The following CHCHD3 variants were observed in gnomAD, a reference collection of about 807,000 sequenced individuals.
CHCHD3 encodes the protein coiled-coil-helix-coiled-coil-helix domain containing 3, also known as MICOS complex subunit MIC19.
CHCHD3 carries 20 observed loss-of-function variants against 38.2 expected under a neutral mutation model. The observed-to-expected ratio is 0.52, with a 90% CI of 0.37 to 0.76. CHCHD3 has a LOEUF of 0.76. CHCHD3 is among the 30% of genes least tolerant of loss of function. The pLI, the probability that CHCHD3 is intolerant of heterozygous loss-of-function variation, is 0.00. For synonymous variants in CHCHD3, 82 were observed against 100.0 expected (o/e 0.82, Z 1.07); for missense variants, 245 against 279.2 (o/e 0.88, Z 0.87).
Position 132,799,007 on chromosome 7 carries a change from CTGTGTGTGTGTGTGTGTGTG to C in CHCHD3, c.525-2450_525-2431del, listed in dbSNP as rs58508838. On this transcript the variant is annotated intron_variant, in intron 6 of 7. Coordinates refer to ENST00000262570, the MANE Select transcript of CHCHD3 (RefSeq NM_017812.4). Reference sequence around the variant, plus strand: ...TTGATTTCCTGTTTGGTGATCTGTTCTGTGTGTGTGTGTGTGTGTGTGTGTGTGTGTGTGTGTGTGTGTGC... The same window carrying C: ...TTGATTTCCTGTTTGGTGATCTGTTCTGTGTGTGTGTGTGTGTGTGTGTGC... 1.1e-3 allele frequency among the ~76,000 whole-genome samples: 153 copies of C among 145,586 alleles called. No individual in the cohort carries two copies. In the East Asian group the frequency reaches 0.026, roughly 25 times the overall value.
At chr7:132,874,626 C>T (rs1237933396) in intron 5 of CHCHD3, among the ~76,000 whole-genome samples, 3 of 152,162 alleles carry the variant, frequency 2.0e-5, no homozygotes, top group African/African-American at 4.8e-5. Context: ...AAACCTGCGC[C>T]TGGTTCTTCA....
At chr7:132,954,930 C>T (rs1431467989) in intron 4 of CHCHD3, among the ~76,000 whole-genome samples, 1 of 152,126 alleles carries the variant, frequency 6.6e-6, no homozygotes, top group Non-Finnish European at 1.5e-5. Context: ...CCACAAAATT[C>T]CTCAAAAATG....
intron 4 of CHCHD3, among the ~76,000 whole-genome samples, chr7:132,940,477 A>C (rs1164641977): frequency 6.6e-6 from 1 of 152,208 alleles, no homozygotes. Context: ...AGAGTATTTC[A>C]TTCCCTGCAT....
chr7:133,030,972 A>G (rs1813484303), intron 2 of CHCHD3, among the ~76,000 whole-genome samples: 1 of 152,182 alleles, frequency 6.6e-6, no homozygotes, highest in Non-Finnish European at 1.5e-5. Flanking sequence ...TGTCTTTACT[A>G]AACAATATTC....
intron 4 of CHCHD3, among the ~76,000 whole-genome samples, chr7:132,910,847 A>C (rs1809930155): frequency 6.6e-6 from 1 of 152,146 alleles, no homozygotes; most frequent in Non-Finnish European, 1.5e-5. Context: ...AAGGCTACAC[A>C]ACCTTTCCCA....
rs150514544 is a variant in CHCHD3, at chr7:132,895,578, C to G, written c.370-9833G>C. 6.6e-3 allele frequency among the ~76,000 whole-genome samples: 1,003 copies of G among 152,368 alleles called. 11 individuals are homozygous for G. Among genetic ancestry groups the G allele is most frequent in the African/African-American group, 0.022 (931 of 41,592 alleles). ...TCCCACGTGTCATGCACGGGACCCA[C>G]TGGGAAGTAACTGAATAATGGGGGA... On this transcript the variant is annotated intron_variant, in intron 4 of 7. Transcript: ENST00000262570.
intron 5 of CHCHD3, among the ~76,000 whole-genome samples, chr7:132,841,660 TC>T (rs1807942945): frequency 6.6e-6 from 1 of 152,150 alleles, no homozygotes; most frequent in East Asian, 1.9e-4. Context: ...CCACTGATGA[TC>T]TCCGAGTGGC....
At chr7:133,058,002 C>T (rs1814391524) in intron 2 of CHCHD3, among the ~76,000 whole-genome samples, 1 of 152,014 alleles carries the variant, frequency 6.6e-6, no homozygotes, top group Non-Finnish European at 1.5e-5. Flanking sequence ...TTCACAAAAG[C>T]AGTGTATGGG....
At chr7:132,983,327 A>C (rs187975274) in intron 3 of CHCHD3, among the ~76,000 whole-genome samples, 2 of 152,214 alleles carry the variant, frequency 1.3e-5, no homozygotes, top group African/African-American at 4.8e-5. Flanking sequence ...TATCTCAAAC[A>C]AAAAGTTAAA....
chr7:132,901,695 A>T (rs776712377), intron 4 of CHCHD3, among the ~76,000 whole-genome samples: 4 of 152,076 alleles, frequency 2.6e-5, no homozygotes, highest in Non-Finnish European at 5.9e-5. Context: ...GTTTGAGTTC[A>T]TTGTAGATTC....
At position 132,905,880 on chromosome 7, in the gene CHCHD3, A is replaced by G. The variant is rs143846426; in HGVS notation, c.370-20135T>C. On this transcript the variant is annotated intron_variant, in intron 4 of 7. Coordinates refer to ENST00000262570, the MANE Select transcript of CHCHD3 (RefSeq NM_017812.4). ...AAAGGATATTGCCAGAAATCAAAAT[A>G]GCTGCATGAAAATATATTCACGGAA... Among the ~76,000 whole-genome samples the G allele has an allele frequency of 6.5e-3, 993 of 152,364 alleles. 11 individuals are homozygous for G. Among genetic ancestry groups the G allele is most frequent in the African/African-American group, 0.022 (921 of 41,580 alleles).
At chr7:132,952,716 T>TA (rs1811061732) in intron 4 of CHCHD3, among the ~76,000 whole-genome samples, 1 of 152,236 alleles carries the variant, frequency 6.6e-6, no homozygotes, top group Non-Finnish European at 1.5e-5. Context: ...AAGTTTGTAC[T>TA]AACAGCTTTC....
At chr7:132,993,238 G>A (rs1812329915) in intron 3 of CHCHD3, among the ~76,000 whole-genome samples, 1 of 152,144 alleles carries the variant, frequency 6.6e-6, no homozygotes, top group Admixed American at 6.5e-5. Context: ...GTTTTCTTCA[G>A]CTCAGTGAAA....
chr7:132,997,557 C>T (rs931353147), intron 3 of CHCHD3, among the ~76,000 whole-genome samples: 1 of 146,314 alleles, frequency 6.8e-6, no homozygotes, highest in Non-Finnish European at 1.5e-5. Context: ...AGATTCTTTT[C>T]TTTTCTTTTT....
chr7:132,895,038 G>A (rs1809458887), intron 4 of CHCHD3, among the ~76,000 whole-genome samples: 1 of 152,182 alleles, frequency 6.6e-6, no homozygotes, highest in African/African-American at 2.4e-5. Context: ...TTTTATTGGT[G>A]AAAATGGTCC....
intron 5 of CHCHD3, chr7:132,844,952 C>A (rs1797124321): frequency 1.3e-5 from 2 of 152,192 alleles, no homozygotes; most frequent in Non-Finnish European, 2.9e-5. Flanking sequence ...AAAACATGGG[C>A]AACAAACTGT....
intron 2 of CHCHD3, among the ~76,000 whole-genome samples, chr7:133,051,582 G>C (rs1232324747): frequency 6.6e-6 from 1 of 151,972 alleles, no homozygotes; most frequent in Non-Finnish European, 1.5e-5. Context: ...CTTGCACCTT[G>C]ATCATTTTTA....
chr7:132,897,983 G>A (rs376923773), intron 4 of CHCHD3, among the ~76,000 whole-genome samples: 2 of 151,894 alleles, frequency 1.3e-5, no homozygotes, highest in South Asian at 4.2e-4. Flanking sequence ...TCGTGGTCTC[G>A]CTGGCTCAGG....
Position 132,818,920 on chromosome 7 carries a change from G to A in CHCHD3, c.524+19479C>T, listed in dbSNP as rs567867713. Among the ~76,000 whole-genome samples, 16 of 152,250 alleles carry A rather than the reference G, an allele frequency of 1.1e-4. 1 individual carries two copies. The East Asian group carries it at 2.9e-3, about 27-fold the overall frequency. ...CTGGCATGTACTAGAGATGAACTCTGGCAATTAGCTAATGTCCAACAAAAA... is the reference window on the plus strand; with the variant it reads ...CTGGCATGTACTAGAGATGAACTCTAGCAATTAGCTAATGTCCAACAAAAA... On this transcript the variant is annotated intron_variant, in intron 6 of 7. Transcript: ENST00000262570.
Sources: allele counts gnomAD v4.1 joint callset (sites outside exome capture counted in the v4.1 genomes callset), GRCh38; gene constraint gnomAD v4.1.1; transcripts MANE v1.5; gene names NCBI Gene and HGNC (gene_info 2026-07-23, HGNC 2026-07-21).